Variants in SAMD12 observed in about 807,000 individuals in gnomAD.
The protein encoded by SAMD12 is sterile alpha motif domain-containing protein 12.
Under a neutral mutation model 15.0 loss-of-function variants are expected in SAMD12, and 9 were observed. That is an observed-to-expected ratio of 0.60 (90% CI 0.36 to 1.05). SAMD12 has a LOEUF of 1.05. Ranked by LOEUF, SAMD12 falls within the 50% of genes least tolerant of loss-of-function variation. SAMD12 has a pLI of 0.01. For missense variants in SAMD12, 230 were observed against 234.2 expected (o/e 0.98, Z 0.12); for synonymous variants, 86 against 90.1 (o/e 0.96, Z 0.25).
chr8:118,454,333 C>CT (rs1461430516), intron 2 of SAMD12, among the ~76,000 whole-genome samples: 1 of 152,098 alleles, frequency 6.6e-6, no homozygotes, highest in East Asian at 1.9e-4. Flanking sequence ...ATTCTCATTC[C>CT]TTTTTTGATA....
the SAMD12 span, among the ~76,000 whole-genome samples, chr8:118,174,994 A>G: frequency 2.0e-5 from 3 of 151,654 alleles, no homozygotes; most frequent in Admixed American, 2.0e-4. Context: ...CCACAATGCC[A>G]TATGACTTTC....
At chr8:118,542,143 T>G (rs955936383) in intron 2 of SAMD12, among the ~76,000 whole-genome samples, 2 of 152,166 alleles carry the variant, frequency 1.3e-5, no homozygotes, top group Non-Finnish European at 2.9e-5. Context: ...ATTAAGCCAG[T>G]GAGAAATAGG....
intron 4 of SAMD12, among the ~76,000 whole-genome samples, chr8:118,368,946 T>C (rs937952142): frequency 6.6e-6 from 1 of 152,166 alleles, no homozygotes. Context: ...TCATCTGTTG[T>C]AGCACTGGCA....
intron 2 of SAMD12, among the ~76,000 whole-genome samples, chr8:118,473,726 C>T (rs1044776305): frequency 3.3e-5 from 5 of 152,154 alleles, no homozygotes; most frequent in Admixed American, 1.3e-4. Flanking sequence ...CATACCATTT[C>T]CTCGGCCTGG....
At chr8:118,580,249 T>C (rs1827258360) in intron 2 of SAMD12, among the ~76,000 whole-genome samples, 1 of 152,194 alleles carries the variant, frequency 6.6e-6, no homozygotes. Flanking sequence ...ACAATACCTG[T>C]AAGCACAAGC....
downstream of SAMD12, among the ~76,000 whole-genome samples, chr8:118,374,791 T>G (rs1224621484): frequency 2.0e-5 from 3 of 151,834 alleles, no homozygotes; most frequent in African/African-American, 7.2e-5. Flanking sequence ...GAACTCTCTA[T>G]TTGAATCCTT....
At chr8:118,475,052 A>T (rs908302825) in intron 2 of SAMD12, among the ~76,000 whole-genome samples, 1 of 152,138 alleles carries the variant, frequency 6.6e-6, no homozygotes, top group Non-Finnish European at 1.5e-5. Context: ...CAGCCTGGCC[A>T]ACATGGTGAA....
the SAMD12 span, among the ~76,000 whole-genome samples, chr8:118,137,719 A>G: frequency 1.3e-5 from 2 of 152,190 alleles, no homozygotes; most frequent in African/African-American, 4.8e-5. Flanking sequence ...GTCTTAGGCC[A>G]CACATAAAAT....
At chr8:118,218,029 C>T (rs1230001758) in intron 4 of SAMD12, among the ~76,000 whole-genome samples, 1 of 152,182 alleles carries the variant, frequency 6.6e-6, no homozygotes. Flanking sequence ...ACCTGACTAG[C>T]ATGCAGCTCA....
intron 1 of SAMD12, among the ~76,000 whole-genome samples, chr8:118,581,794 T>C (rs1827303125): frequency 6.6e-6 from 1 of 152,202 alleles, no homozygotes; most frequent in Non-Finnish European, 1.5e-5. Context: ...TTTTGACTTC[T>C]CTGGTAGTAA....
intron 4 of SAMD12, among the ~76,000 whole-genome samples, chr8:118,255,063 G>A (rs1054345580): frequency 2.0e-5 from 3 of 151,910 alleles, no homozygotes; most frequent in Non-Finnish European, 4.4e-5. Context: ...AAATTAATAA[G>A]CTCACAGAAT....
intron 4 of SAMD12, among the ~76,000 whole-genome samples, chr8:118,297,065 C>G (rs1451844660): frequency 6.6e-6 from 1 of 152,120 alleles, no homozygotes; most frequent in East Asian, 1.9e-4. Context: ...TGATAGACAA[C>G]TATTAATTAA....
intron 1 of SAMD12, among the ~76,000 whole-genome samples, chr8:118,601,881 C>A (rs1827873396): frequency 6.6e-6 from 1 of 152,040 alleles, no homozygotes; most frequent in East Asian, 1.9e-4. Context: ...CTGGAGAGGC[C>A]CTTAGGGACG....
At chr8:118,337,075 G>A (rs542367840) in intron 4 of SAMD12, among the ~76,000 whole-genome samples, 2 of 152,002 alleles carry the variant, frequency 1.3e-5, no homozygotes, top group South Asian at 2.1e-4. Context: ...ATGAGTTAAT[G>A]GGTGCAGCAC....
At chr8:118,327,655 G>C (rs1019009608) in intron 4 of SAMD12, among the ~76,000 whole-genome samples, 5 of 152,078 alleles carry the variant, frequency 3.3e-5, no homozygotes, top group Admixed American at 6.6e-5. Flanking sequence ...ATGGAATAAG[G>C]CTCTATAATA....
intron 2 of SAMD12, among the ~76,000 whole-genome samples, chr8:118,468,436 G>C (rs1823659947): frequency 6.6e-6 from 1 of 152,142 alleles, no homozygotes; most frequent in African/African-American, 2.4e-5. Context: ...CATTGGCTCA[G>C]AAATGCCTCT....
intron 4 of SAMD12, among the ~76,000 whole-genome samples, chr8:118,331,600 C>T (rs1816809851): frequency 6.6e-6 from 1 of 152,150 alleles, no homozygotes; most frequent in Non-Finnish European, 1.5e-5. Flanking sequence ...ATATTTTCAG[C>T]CAGGGAAGGG....
At chr8:118,514,878 T>G (rs1039459967) in intron 2 of SAMD12, among the ~76,000 whole-genome samples, 2 of 152,242 alleles carry the variant, frequency 1.3e-5, no homozygotes, top group Non-Finnish European at 2.9e-5. Flanking sequence ...CCAAATCTCA[T>G]GTCAAATTGT....
intron 2 of SAMD12, among the ~76,000 whole-genome samples, chr8:118,485,096 T>A (rs1375248939): frequency 6.6e-6 from 1 of 152,204 alleles, no homozygotes; most frequent in African/African-American, 2.4e-5. Context: ...TCCTCTTCTA[T>A]GTGCTTTTTC....
Sources: gnomAD v4.1 joint callset for allele counts (sites outside exome capture counted in the v4.1 genomes callset) on GRCh38, gnomAD v4.1.1 for gene constraint, MANE v1.5 for transcripts, NCBI Gene and HGNC (gene_info 2026-07-23, HGNC 2026-07-21) for gene names.